Variants in B3GALT1 observed in about 807,000 individuals in gnomAD.
B3GALT1 encodes the protein UDP-Gal:betaGlcNAc beta 1,3-galactosyltransferase, polypeptide 1.
B3GALT1 carries 10 observed loss-of-function variants against 23.2 expected under a neutral mutation model. That is an observed-to-expected ratio of 0.43 (90% CI 0.27 to 0.73). B3GALT1 has a LOEUF of 0.73. Ranked by LOEUF, B3GALT1 falls within the 30% of genes least tolerant of loss-of-function variation. The probability of loss-of-function intolerance (pLI) is 0.21; values close to 1 mark genes in which losing one functional copy is unlikely to be tolerated. For missense variants in B3GALT1, 299 were observed against 405.4 expected, an observed-to-expected ratio of 0.74 and a Z score of 2.25; for synonymous variants, 156 against 141.5, an observed-to-expected ratio of 1.10 and a Z score of -0.73.
At position 167,816,120 on chromosome 2, in the gene B3GALT1, C is replaced by T. The variant is rs114862771; in HGVS notation, c.-351-2552C>T. On this transcript the variant is annotated intron_variant, in intron 3 of 4. Coordinates refer to ENST00000392690, the MANE Select transcript of B3GALT1 (RefSeq NM_020981.4). ...CCTCTTTTCTTGTACAATACGTTCC[C>T]ACTTTCTATATTATTCCTGTGAATA... is the stretch of plus-strand genomic sequence containing the variant. Among the ~76,000 whole-genome samples, 776 of 152,154 alleles carry T rather than the reference C, an allele frequency of 5.1e-3. 7 individuals carry two copies. The highest frequency in any genetic ancestry group is 0.017 in the African/African-American group (721 of 41,520).
rs191106216 is a variant in B3GALT1, at chr2:167,395,505, C to A, written c.-510-94672C>A. Among the ~76,000 whole-genome samples, 4 of 152,118 alleles carry A rather than the reference C, an allele frequency of 2.6e-5. No individual in the cohort carries two copies. The East Asian group carries it at 7.7e-4, about 29-fold the overall frequency. ...GAAAAGGCAAGGAAACTGAACCCTC[C>A]CCAGAACCTCCAGAAAGAATACAGC... On this transcript the variant is annotated intron_variant, in intron 1 of 4. Coordinates refer to ENST00000392690, the MANE Select transcript of B3GALT1 (RefSeq NM_020981.4).
At position 167,559,680 on chromosome 2, in the gene B3GALT1, C is replaced by T. The variant is rs550531407; in HGVS notation, c.-410+69403C>T. Among the ~76,000 whole-genome samples, 13 of 152,086 alleles carry T rather than the reference C, an allele frequency of 8.5e-5. 1 individual carries two copies. The South Asian group carries it at 1.9e-3, about 22-fold the overall frequency. The stretch of plus-strand genomic sequence containing the variant: ...AATGCAGAAGCCTCAGGACCCAGTG[C>T]GATCAACTGGAAGAAAGGGTATCAG... On this transcript the variant is annotated intron_variant, in intron 2 of 4. Transcript: ENST00000392690.
intron 2 of B3GALT1, among the ~76,000 whole-genome samples, chr2:167,625,088 TG>T (rs553914439): frequency 1.9e-3 from 292 of 152,098 alleles, no homozygotes; most frequent in African/African-American, 6.8e-3. Flanking sequence ...ACAAATAACT[TG>T]TCATGGAGGT....
At chr2:167,312,140 T>A (rs1455233381) in intron 1 of B3GALT1, among the ~76,000 whole-genome samples, 1 of 151,830 alleles carries the variant, frequency 6.6e-6, no homozygotes, top group East Asian at 1.9e-4. Context: ...GAATCCTGAG[T>A]TTATTAATAG....
chr2:167,479,623 A>C (rs2105335456), intron 1 of B3GALT1, among the ~76,000 whole-genome samples: 1 of 152,278 alleles, frequency 6.6e-6, no homozygotes, highest in South Asian at 2.1e-4. Flanking sequence ...CAGAAAATTC[A>C]GTCTTGCAAT....
Position 167,495,867 on chromosome 2 carries a change from A to T in B3GALT1, c.-410+5590A>T, listed in dbSNP as rs77804914. Among the ~76,000 whole-genome samples the T allele has an allele frequency of 5.5e-3, 833 of 152,316 alleles. 7 individuals carry two copies. Among genetic ancestry groups the T allele is most frequent in the African/African-American group, 0.019 (803 of 41,566 alleles). ...GAAAGGCACCTCAGAATATTTGTGG[A>T]AGACAAAACATTTATTATTAATGTT... is the stretch of plus-strand genomic sequence containing the variant. On this transcript the variant is annotated intron_variant, in intron 2 of 4. Transcript: ENST00000392690.
intron 1 of B3GALT1, among the ~76,000 whole-genome samples, chr2:167,453,584 T>TTGG (rs1361400298): frequency 6.6e-6 from 1 of 152,140 alleles, no homozygotes; most frequent in Middle Eastern, 3.2e-3. Flanking sequence ...CATTTTTCTG[T>TTGG]TTAGGAAAAA....
At chr2:167,574,905 A>G (rs1224075924) in intron 2 of B3GALT1, among the ~76,000 whole-genome samples, 1 of 151,728 alleles carries the variant, frequency 6.6e-6, no homozygotes, top group Non-Finnish European at 1.5e-5. Flanking sequence ...AGAAAACTTC[A>G]ACTAAGGGCT....
intron 1 of B3GALT1, among the ~76,000 whole-genome samples, chr2:167,446,524 T>C (rs995848599): frequency 3.3e-5 from 5 of 152,202 alleles, no homozygotes; most frequent in Non-Finnish European, 7.3e-5. Flanking sequence ...ATTTGGTCTT[T>C]TCACATGGTC....
At chr2:167,314,061 A>G (rs1197814151) in intron 1 of B3GALT1, among the ~76,000 whole-genome samples, 3 of 152,090 alleles carry the variant, frequency 2.0e-5, no homozygotes, top group Non-Finnish European at 4.4e-5. Flanking sequence ...TTTACACACA[A>G]AAGACTTTGT....
chr2:167,422,206 G>GTC (rs1384779219), intron 1 of B3GALT1, among the ~76,000 whole-genome samples: 2 of 151,618 alleles, frequency 1.3e-5, no homozygotes, highest in South Asian at 4.2e-4. Context: ...CTCTCTCTCT[G>GTC]TCTCTCTCTC....
At chr2:167,590,932 G>T (rs1375664798) in intron 2 of B3GALT1, among the ~76,000 whole-genome samples, 1 of 152,094 alleles carries the variant, frequency 6.6e-6, no homozygotes, top group Non-Finnish European at 1.5e-5. Context: ...TCCATAACCT[G>T]CTGGCCAGGC....
chr2:167,789,790 C>T (rs1638821791), intron 3 of B3GALT1, among the ~76,000 whole-genome samples: 3 of 152,132 alleles, frequency 2.0e-5, no homozygotes, highest in African/African-American at 7.2e-5. Context: ...TCCTCCCCCA[C>T]AGCCCCCAGC....
chr2:167,677,316 C>T (rs1036684588), intron 3 of B3GALT1, among the ~76,000 whole-genome samples: 1 of 152,190 alleles, frequency 6.6e-6, no homozygotes, highest in African/African-American at 2.4e-5. Flanking sequence ...CTTAAATATA[C>T]ACAATAAGAC....
chr2:167,357,959 TTC>T (rs374354702), intron 1 of B3GALT1, among the ~76,000 whole-genome samples: 4 of 152,198 alleles, frequency 2.6e-5, no homozygotes, highest in African/African-American at 4.8e-5. Context: ...TACAGAGAAT[TTC>T]TGTTTCATTT....
At chr2:167,826,953 T>C (rs1274327484) in intron 4 of B3GALT1, among the ~76,000 whole-genome samples, 2 of 152,218 alleles carry the variant, frequency 1.3e-5, no homozygotes, top group African/African-American at 4.8e-5. Flanking sequence ...TGGTGGAATC[T>C]TGGAATCAAT....
intron 2 of B3GALT1, among the ~76,000 whole-genome samples, chr2:167,507,272 C>T (rs371318572): frequency 1.1e-3 from 159 of 151,340 alleles, no homozygotes; most frequent in African/African-American, 3.6e-3. Context: ...TTTGGGAGGC[C>T]GAGGCAGGTG....
intron 2 of B3GALT1, among the ~76,000 whole-genome samples, chr2:167,525,270 G>GT (rs200010512): frequency 3.3e-5 from 5 of 151,796 alleles, no homozygotes; most frequent in South Asian, 2.1e-4. Context: ...TTTTGCTGTA[G>GT]TTTTTTTTGT....
At chr2:167,706,367 C>T (rs755433948) in intron 3 of B3GALT1, among the ~76,000 whole-genome samples, 45 of 152,136 alleles carry the variant, frequency 3.0e-4, no homozygotes, top group Non-Finnish European at 4.9e-4. Flanking sequence ...GAGTCTGAAC[C>T]TAATGTGTAT....
Sources: gnomAD v4.1 joint callset for allele counts (sites outside exome capture counted in the v4.1 genomes callset) on GRCh38, gnomAD v4.1.1 for gene constraint, MANE v1.5 for transcripts, NCBI Gene and HGNC (gene_info 2026-07-23, HGNC 2026-07-21) for gene names.